Variants in SYCP1 observed in about 807,000 individuals in gnomAD.
The protein encoded by SYCP1 is synaptonemal complex protein 1.
Under a neutral mutation model 153.1 loss-of-function variants are expected in SYCP1, and 64 were observed. The ratio of observed to expected loss-of-function variants is 0.42; its 90% confidence interval spans 0.34 to 0.51. The LOEUF is 0.51. Among genes scored for constraint, SYCP1 ranks in the 20% least tolerant of loss-of-function variants. The pLI is 0.06. For synonymous variants in SYCP1, 384 were observed against 341.8 expected (o/e 1.12, Z -1.36); for missense variants, 997 against 1,049.0 (o/e 0.95, Z 0.68).
intron 27 of SYCP1, among the ~76,000 whole-genome samples, chr1:114,970,662 G>A (rs1672431594): frequency 6.6e-6 from 1 of 152,152 alleles, no homozygotes; most frequent in African/African-American, 2.4e-5. Flanking sequence ...GAGCATGACT[G>A]CAGTGATTGT....
intron 20 of SYCP1, among the ~76,000 whole-genome samples, chr1:114,916,293 T>C (rs538226056): frequency 1.3e-5 from 2 of 152,274 alleles, no homozygotes; most frequent in South Asian, 4.1e-4. Flanking sequence ...TTTTTAGTTT[T>C]TCATTTTCAT....
intron 23 of SYCP1, 109 bp downstream of exon 23, chr1:114,926,672 T>C (rs747116065): frequency 1.2e-5 from 11 of 930,236 alleles, no homozygotes; most frequent in Non-Finnish European, 1.7e-5. Flanking sequence ...ACCATAACAG[T>C]ATCAATTGAA....
chr1:114,968,852 T>G (rs1288994970), intron 27 of SYCP1, among the ~76,000 whole-genome samples: 1 of 152,184 alleles, frequency 6.6e-6, no homozygotes, highest in African/African-American at 2.4e-5. Context: ...GACCTTCAGT[T>G]GGGGTTTTTG....
intron 8 of SYCP1, among the ~76,000 whole-genome samples, chr1:114,864,078 A>G (rs1664563393): frequency 6.6e-6 from 1 of 151,862 alleles, no homozygotes. Flanking sequence ...ACCATGGCAC[A>G]TGTATAGCTA....
At chr1:114,973,393 T>C (rs537285258) in intron 27 of SYCP1, among the ~76,000 whole-genome samples, 2 of 152,080 alleles carry the variant, frequency 1.3e-5, no homozygotes, top group East Asian at 3.9e-4. Flanking sequence ...TGCTGATCAC[T>C]CATTATGCAT....
At chr1:114,985,206 T>A (rs186134448) in intron 30 of SYCP1, among the ~76,000 whole-genome samples, 1 of 152,102 alleles carries the variant, frequency 6.6e-6, no homozygotes, top group Non-Finnish European at 1.5e-5. Flanking sequence ...GGAGTGAATA[T>A]TTTACTGTGC....
intron 26 of SYCP1, 78 bp downstream of exon 26, chr1:114,946,459 G>A: frequency 1.2e-6 from 1 of 830,020 alleles, no homozygotes; most frequent in Non-Finnish European, 1.9e-6. Flanking sequence ...ATAATATTAA[G>A]TAAAACTAAT....
At chr1:114,982,912 T>C (rs1673258595) in intron 29 of SYCP1, among the ~76,000 whole-genome samples, 2 of 152,100 alleles carry the variant, frequency 1.3e-5, no homozygotes, top group Non-Finnish European at 2.9e-5. Flanking sequence ...TTTGTGACTT[T>C]TCTAGACTAA....
intron 30 of SYCP1, among the ~76,000 whole-genome samples, chr1:114,989,378 T>A (rs1227050370): frequency 6.6e-6 from 1 of 150,470 alleles, no homozygotes; most frequent in Non-Finnish European, 1.5e-5. Context: ...GGAATCAGAA[T>A]GTTCAAGTAC....
chr1:114,960,114 G>T (rs1216509601), intron 27 of SYCP1, among the ~76,000 whole-genome samples: 26 of 150,866 alleles, frequency 1.7e-4, no homozygotes, highest in Admixed American at 1.7e-3. Flanking sequence ...CTAGCAGTGG[G>T]ATGGCTGGAT....
intron 26 of SYCP1, among the ~76,000 whole-genome samples, chr1:114,946,873 G>A (rs1670740523): frequency 6.6e-6 from 1 of 152,028 alleles, no homozygotes; most frequent in South Asian, 2.1e-4. Context: ...CTGAGTAGCT[G>A]GGACTACAGG....
chr1:114,876,189 AT>A, intron 10 of SYCP1, 51 bp downstream of exon 10: 1 of 1,291,758 alleles, frequency 7.7e-7, no homozygotes, highest in Non-Finnish European at 1.1e-6. Flanking sequence ...TGCTATTTAT[AT>A]TTTTATCAGA....
chr1:114,929,991 T>C, intron 23 of SYCP1, among the ~76,000 whole-genome samples: 1 of 152,104 alleles, frequency 6.6e-6, no homozygotes, highest in South Asian at 2.1e-4. Flanking sequence ...TTACAGAATA[T>C]GTTCTCTCAC....
At chr1:114,854,129 T>G (rs2101224633), upstream of SYCP1, among the ~76,000 whole-genome samples, 1 of 149,914 alleles carries the variant, frequency 6.7e-6, no homozygotes, top group South Asian at 2.2e-4. Flanking sequence ...CTCTGCCTCC[T>G]TTCTCTCCTC....
At chr1:114,953,273 CT>C (rs1671226339) in intron 27 of SYCP1, among the ~76,000 whole-genome samples, 1 of 152,140 alleles carries the variant, frequency 6.6e-6, no homozygotes. Flanking sequence ...TATAGCTTGT[CT>C]TTTTATTCTA....
At chr1:114,871,527 T>G (rs1023825003) in intron 8 of SYCP1, among the ~76,000 whole-genome samples, 1 of 152,108 alleles carries the variant, frequency 6.6e-6, no homozygotes, top group Non-Finnish European at 1.5e-5. Context: ...AAAGCATAAA[T>G]AAGCATTTAT....
chr1:114,914,153 A>G, intron 20 of SYCP1, 108 bp downstream of exon 20: 2 of 817,252 alleles, frequency 2.4e-6, no homozygotes, highest in South Asian at 2.4e-5. Context: ...AATATTTTAT[A>G]AAGTAAAAAT....
intron 8 of SYCP1, among the ~76,000 whole-genome samples, chr1:114,868,881 A>G (rs907701874): frequency 6.6e-6 from 1 of 152,162 alleles, no homozygotes; most frequent in African/African-American, 2.4e-5. Context: ...TGAGGTTTGT[A>G]GTGATGTCTC....
chr1:114,874,339 C>A (rs1665372115), intron 8 of SYCP1, among the ~76,000 whole-genome samples, 167 bp from the exon 9 acceptor site: 1 of 152,174 alleles, frequency 6.6e-6, no homozygotes, highest in South Asian at 2.1e-4. Flanking sequence ...TGAACCCAAA[C>A]AGCTTTTGAT....
Sources: gnomAD v4.1 joint callset for allele counts (sites outside exome capture counted in the v4.1 genomes callset) on GRCh38, gnomAD v4.1.1 for gene constraint, MANE v1.5 for transcripts, NCBI Gene and HGNC (gene_info 2026-07-23, HGNC 2026-07-21) for gene names.